CCDC69: variants seen among roughly 807,000 people sequenced by gnomAD.
The protein encoded by CCDC69 is coiled-coil domain containing 69, also known as coiled-coil domain-containing protein 69.
Under a neutral mutation model 40.3 loss-of-function variants are expected in CCDC69, and 38 were observed. The ratio of observed to expected loss-of-function variants is 0.94; its 90% CI spans 0.73 to 1.24. The LOEUF (loss-of-function observed/expected upper bound fraction) is 1.24, where lower values mean the gene tolerates loss of function less well. CCDC69 is among the 50% of genes most tolerant of loss of function. CCDC69 has a pLI of 0.00. For missense variants in CCDC69, 389 were observed against 357.9 expected (o/e 1.09, Z -0.70); for synonymous variants, 141 against 138.9 (o/e 1.02, Z -0.11).
intron 4 of CCDC69, among the ~76,000 whole-genome samples, chr5:151,197,766 C>T (rs558853557): frequency 4.2e-4 from 64 of 152,096 alleles, no homozygotes; most frequent in Admixed American, 1.0e-3. Flanking sequence ...GTTATAAAAC[C>T]GGGGTTGATT....
At chr5:151,207,803 A>G (rs2113997773) in intron 1 of CCDC69, among the ~76,000 whole-genome samples, 1 of 151,156 alleles carries the variant, frequency 6.6e-6, no homozygotes, top group Admixed American at 6.6e-5. Flanking sequence ...CCAGACCAGG[A>G]TTTGGGTAAA....
intron 1 of CCDC69, among the ~76,000 whole-genome samples, chr5:151,220,134 C>A (rs933767669): frequency 3.3e-5 from 5 of 152,192 alleles, no homozygotes; most frequent in Admixed American, 6.5e-5. Flanking sequence ...CACTAATGTC[C>A]TTTAGCTCCC....
intron 2 of CCDC69, among the ~76,000 whole-genome samples, chr5:151,202,602 G>A (rs1266928827): frequency 6.6e-6 from 1 of 152,238 alleles, no homozygotes; most frequent in East Asian, 1.9e-4. Context: ...TATACAAAGG[G>A]CCACATGTCA....
At chr5:151,187,698 T>C (rs1184360987) in intron 4 of CCDC69, among the ~76,000 whole-genome samples, 2 of 152,184 alleles carry the variant, frequency 1.3e-5, no homozygotes, top group Non-Finnish European at 2.9e-5. Flanking sequence ...GGAGGAACGC[T>C]ACCAGATTGC....
intron 4 of CCDC69, among the ~76,000 whole-genome samples, chr5:151,193,107 G>T (rs1752644479): frequency 6.6e-6 from 1 of 152,060 alleles, no homozygotes; most frequent in African/African-American, 2.4e-5. Context: ...AGTGACTGGA[G>T]CATTTGCAGA....
chr5:151,209,927 A>C (rs10071400), intron 1 of CCDC69, among the ~76,000 whole-genome samples: 43,695 of 152,062 alleles, frequency 0.29, 6,441 homozygotes, highest in Middle Eastern at 0.45. Flanking sequence ...CTTCCAGTTA[A>C]AGTACTAGTA....
At chr5:151,202,812 G>A (rs1030912150) in intron 2 of CCDC69, among the ~76,000 whole-genome samples, 3 of 152,182 alleles carry the variant, frequency 2.0e-5, no homozygotes, top group African/African-American at 7.2e-5. Flanking sequence ...ATGACCTAAG[G>A]CAGTGGCCAT....
chr5:151,189,065 GA>G (rs1231341723), intron 4 of CCDC69, among the ~76,000 whole-genome samples: 1 of 152,110 alleles, frequency 6.6e-6, no homozygotes, highest in East Asian at 1.9e-4. Flanking sequence ...AGAAGCAGAA[GA>G]AAAACTCCCT....
Position 151,183,139 on chromosome 5 carries a change from G to A in CCDC69, c.*298C>T, listed in dbSNP as rs368768485. ...CCAGCGTGACACAGACTGCCCCTGGGAAAGCCTCGGAACTTCTCGGATTGG... is the reference window on the plus strand; with the variant it reads ...CCAGCGTGACACAGACTGCCCCTGGAAAAGCCTCGGAACTTCTCGGATTGG... On this transcript the variant is annotated 3_prime_UTR_variant, in exon 9 of 9. Transcript: ENST00000355417. 4.3e-5 allele frequency: 24 copies of A among 557,080 alleles called. No individual in the cohort carries two copies. Among genetic ancestry groups the A allele is most frequent in the African/African-American group, 3.7e-4 (20 of 53,866 alleles). The allele number at this position is 557,080 out of a possible 1,614,324, so 34.5% of individuals were successfully genotyped here.
intron 4 of CCDC69, among the ~76,000 whole-genome samples, chr5:151,197,658 C>T (rs1043833245): frequency 2.6e-5 from 4 of 152,108 alleles, no homozygotes; most frequent in African/African-American, 9.7e-5. Context: ...AATCTTATGT[C>T]TATTTTACCA....
intron 4 of CCDC69, among the ~76,000 whole-genome samples, chr5:151,193,382 T>C (rs1056962905): frequency 1.9e-4 from 27 of 143,112 alleles, no homozygotes; most frequent in Admixed American, 5.7e-4. Flanking sequence ...CTAGGCATGG[T>C]GATGTGCACT....
At chr5:151,202,937 C>T (rs1313746928) in intron 2 of CCDC69, among the ~76,000 whole-genome samples, 1 of 152,086 alleles carries the variant, frequency 6.6e-6, no homozygotes, top group Non-Finnish European at 1.5e-5. Context: ...ATAGTAAAAG[C>T]AGGATAGGAG....
At chr5:151,193,549 G>A (rs1275311600) in intron 4 of CCDC69, among the ~76,000 whole-genome samples, 1 of 151,350 alleles carries the variant, frequency 6.6e-6, no homozygotes, top group African/African-American at 2.4e-5. Context: ...GACAGGAGAG[G>A]AGAGGAGAGG....
intron 4 of CCDC69, among the ~76,000 whole-genome samples, chr5:151,196,803 A>G (rs975374355): frequency 6.6e-6 from 1 of 152,222 alleles, no homozygotes; most frequent in African/African-American, 2.4e-5. Flanking sequence ...CCCCTGTGGA[A>G]AACAGTTTGG....
intron 1 of CCDC69, among the ~76,000 whole-genome samples, chr5:151,209,317 G>C (rs1752895998): frequency 6.6e-6 from 1 of 152,256 alleles, no homozygotes; most frequent in African/African-American, 2.4e-5. Flanking sequence ...TGCTTTGGCA[G>C]ACCTCTTGGG....
chr5:151,198,831 A>G, intron 4 of CCDC69, 166 bp downstream of exon 4: 1 of 559,346 alleles, frequency 1.8e-6, no homozygotes, highest in Admixed American at 3.0e-5. Context: ...CCCAAAGGAA[A>G]AGTCCATCAA....
chr5:151,206,776 G>A (rs541820875), intron 1 of CCDC69, among the ~76,000 whole-genome samples: 7 of 151,406 alleles, frequency 4.6e-5, no homozygotes, highest in African/African-American at 1.7e-4. Context: ...GACTACAGGT[G>A]CATGCCACCA....
At chr5:151,223,741 C>T (rs1039558586) in intron 1 of CCDC69, among the ~76,000 whole-genome samples, 182 bp downstream of exon 1, 14 of 152,154 alleles carry the variant, frequency 9.2e-5, no homozygotes, top group African/African-American at 3.1e-4. Flanking sequence ...TGGTGCGGCT[C>T]GGGCCGGGGT....
At chr5:151,196,990 G>C (rs1335541164) in intron 4 of CCDC69, among the ~76,000 whole-genome samples, 1 of 152,226 alleles carries the variant, frequency 6.6e-6, no homozygotes, top group South Asian at 2.1e-4. Context: ...TGAATGGGTA[G>C]AGTGTGGTGT....
Sources: gnomAD v4.1 joint callset for allele counts (sites outside exome capture counted in the v4.1 genomes callset) on GRCh38, gnomAD v4.1.1 for gene constraint, MANE v1.5 for transcripts, NCBI Gene and HGNC (gene_info 2026-07-23, HGNC 2026-07-21) for gene names.